Variants in PTPRR observed in about 807,000 individuals in gnomAD.
PTPRR encodes the protein receptor-type tyrosine-protein phosphatase R.
A neutral mutation model predicts 77.2 loss-of-function variants in PTPRR; 38 were observed. The ratio of observed to expected loss-of-function variants is 0.49; its 90% CI spans 0.38 to 0.65. PTPRR has a LOEUF of 0.65. PTPRR is among the 30% of genes least tolerant of loss of function. The pLI, the probability that PTPRR is intolerant of heterozygous loss-of-function variation, is 0.00. For missense variants in PTPRR, 744 were observed against 799.2 expected, an observed-to-expected ratio of 0.93 and a Z score of 0.83; for synonymous variants, 299 against 283.1, an observed-to-expected ratio of 1.06 and a Z score of -0.57.
chr12:70,883,421 A>C (rs1893182955), intron 2 of PTPRR, among the ~76,000 whole-genome samples: 1 of 152,174 alleles, frequency 6.6e-6, no homozygotes. Context: ...AAGCCGAATG[A>C]TTACCTAAGT....
intron 1 of PTPRR, among the ~76,000 whole-genome samples, chr12:70,901,333 G>A (rs1675734312): frequency 6.6e-6 from 1 of 151,460 alleles, no homozygotes; most frequent in African/African-American, 2.4e-5. Context: ...ATTCACAATA[G>A]CCAAGATACG....
rs531710412 is a variant in PTPRR at position 70,814,912 on chromosome 12, T to C, written c.358-50134A>G. ...ATATTTGGCACCCAACAAGGTACAA[T>C]TCCCAATGTTTGGAATTCAATAAAA... On this transcript the variant is annotated intron_variant, in intron 2 of 13. Transcript: ENST00000283228. Among the ~76,000 whole-genome samples, 40 of 152,170 alleles carry C rather than the reference T, an allele frequency of 2.6e-4. No homozygotes were observed. In the South Asian group the frequency reaches 8.1e-3, roughly 31 times the overall value.
chr12:70,865,212 A>G (rs1892822460), intron 2 of PTPRR, among the ~76,000 whole-genome samples: 1 of 123,578 alleles, frequency 8.1e-6, no homozygotes, highest in African/African-American at 2.5e-5. Context: ...TCTGAGAATG[A>G]TCGTGAGGCC....
At chr12:70,671,436 C>T (rs7977349) in intron 10 of PTPRR, among the ~76,000 whole-genome samples, 4,490 of 152,070 alleles carry the variant, frequency 0.03, 91 homozygotes, top group Non-Finnish European at 0.044. Context: ...ACTTTGATAT[C>T]CCCAGAAGGT....
intron 5 of PTPRR, among the ~76,000 whole-genome samples, chr12:70,753,343 A>C (rs1592733890): frequency 6.6e-6 from 1 of 152,308 alleles, no homozygotes; most frequent in Middle Eastern, 3.4e-3. Context: ...TTTGGGGGGC[A>C]CTTAAAAACT....
At chr12:70,871,003 T>C (rs1339967793) in intron 2 of PTPRR, among the ~76,000 whole-genome samples, 2 of 152,192 alleles carry the variant, frequency 1.3e-5, no homozygotes, top group African/African-American at 4.8e-5. Flanking sequence ...AGAGGTTCAC[T>C]GAACTTTGAA....
intron 2 of PTPRR, among the ~76,000 whole-genome samples, chr12:70,846,952 C>T (rs1430043222): frequency 6.6e-6 from 1 of 152,074 alleles, no homozygotes; most frequent in Non-Finnish European, 1.5e-5. Flanking sequence ...GGGTATCTGC[C>T]TCTTCCCTCC....
chr12:70,694,753 A>G (rs891179401), intron 8 of PTPRR, among the ~76,000 whole-genome samples: 1 of 152,198 alleles, frequency 6.6e-6, no homozygotes, highest in African/African-American at 2.4e-5. Flanking sequence ...AAACGGCAGC[A>G]TCACACAATA....
chr12:70,735,722 G>C (rs969070101), intron 6 of PTPRR, among the ~76,000 whole-genome samples: 1 of 152,162 alleles, frequency 6.6e-6, no homozygotes, highest in Non-Finnish European at 1.5e-5. Flanking sequence ...TTGTGACATT[G>C]AGCATATTAC....
intron 6 of PTPRR, among the ~76,000 whole-genome samples, chr12:70,708,070 C>G (rs1888683197): frequency 6.6e-6 from 1 of 152,040 alleles, no homozygotes; most frequent in Non-Finnish European, 1.5e-5. Context: ...GTTCAATCCT[C>G]CAAATGCCAG....
At chr12:70,704,271 A>G (rs1016028523) in intron 6 of PTPRR, among the ~76,000 whole-genome samples, 1 of 151,814 alleles carries the variant, frequency 6.6e-6, no homozygotes, top group African/African-American at 2.4e-5. Flanking sequence ...AAAATAAAAT[A>G]GCTAAGTGTT....
intron 2 of PTPRR, among the ~76,000 whole-genome samples, chr12:70,814,032 G>T (rs1198818131): frequency 6.6e-6 from 1 of 152,198 alleles, no homozygotes; most frequent in Non-Finnish European, 1.5e-5. Context: ...ACAGGGTACT[G>T]ACAAGAGTAT....
chr12:70,818,451 T>C (rs1004179809), intron 2 of PTPRR, among the ~76,000 whole-genome samples: 1 of 152,184 alleles, frequency 6.6e-6, no homozygotes, highest in African/African-American at 2.4e-5. Context: ...ATGAGAGCAT[T>C]ATTCTCACAC....
At chr12:70,640,632 T>G (rs1370848047) in intron 13 of PTPRR, among the ~76,000 whole-genome samples, 3 of 152,240 alleles carry the variant, frequency 2.0e-5, no homozygotes, top group Admixed American at 1.3e-4. Context: ...TTTAACTCTA[T>G]GTTTTAACCA....
chr12:70,658,797 A>G (rs910999320), intron 12 of PTPRR, among the ~76,000 whole-genome samples: 8 of 150,134 alleles, frequency 5.3e-5, no homozygotes, highest in African/African-American at 2.0e-4. Flanking sequence ...ATAAGTTTAC[A>G]TACTCAAATG....
At chr12:70,832,134 C>T (rs1462302709) in intron 2 of PTPRR, among the ~76,000 whole-genome samples, 3 of 152,214 alleles carry the variant, frequency 2.0e-5, no homozygotes, top group South Asian at 2.1e-4. Flanking sequence ...GTGTTCCTGT[C>T]GCTCCATATG....
chr12:70,642,521 T>A (rs1366445413), intron 13 of PTPRR, among the ~76,000 whole-genome samples: 1 of 152,172 alleles, frequency 6.6e-6, no homozygotes, highest in Non-Finnish European at 1.5e-5. Context: ...GTCTTTAATA[T>A]GAGTAAGTTG....
At chr12:70,864,846 C>T (rs1892813703) in intron 2 of PTPRR, among the ~76,000 whole-genome samples, 1 of 152,148 alleles carries the variant, frequency 6.6e-6, no homozygotes. Flanking sequence ...AGCTCTCACT[C>T]TGTTGCTCAG....
chr12:70,751,784 G>A (rs773597508), intron 5 of PTPRR, among the ~76,000 whole-genome samples: 43 of 152,158 alleles, frequency 2.8e-4, no homozygotes, highest in East Asian at 5.8e-4. Flanking sequence ...TCATTTTCCC[G>A]TTATTAACAT....
Sources: allele counts gnomAD v4.1 joint callset (sites outside exome capture counted in the v4.1 genomes callset), GRCh38; gene constraint gnomAD v4.1.1; transcripts MANE v1.5; gene names NCBI Gene and HGNC (gene_info 2026-07-23, HGNC 2026-07-21).